PTK2: variants seen among roughly 807,000 people sequenced by gnomAD.
PTK2 encodes focal adhesion kinase 1.
In PTK2, 45 loss-of-function variants were observed where a neutral mutation model predicts 150.1. The observed-to-expected ratio is 0.30, with a 90% CI of 0.24 to 0.38. PTK2 has a LOEUF of 0.38. PTK2 is among the 10% of genes least tolerant of loss of function. The probability of loss-of-function intolerance (pLI) is 1.00; values close to 1 mark genes in which losing one functional copy is unlikely to be tolerated. For missense variants in PTK2, 919 were observed against 1,307.3 expected (o/e 0.70, Z 4.58); for synonymous variants, 432 against 449.2 (o/e 0.96, Z 0.48).
At chr8:140,975,287 T>A (rs2100188862) in intron 1 of PTK2, among the ~76,000 whole-genome samples, 2 of 152,154 alleles carry the variant, frequency 1.3e-5, no homozygotes, top group Admixed American at 6.5e-5. Context: ...CCTCCTACCA[T>A]CTAAATCTGT....
At chr8:140,889,719 A>G (rs73714776) in intron 3 of PTK2, among the ~76,000 whole-genome samples, 4,997 of 152,294 alleles carry the variant, frequency 0.033, 285 homozygotes, top group African/African-American at 0.11. Context: ...AATATAGACT[A>G]GGTGGAGAGG....
intron 29 of PTK2, chr8:140,669,301 G>GTATGTATATATATATATATATA (rs547959878): frequency 4.1e-5 from 4 of 97,984 alleles, no homozygotes; most frequent in South Asian, 3.4e-4. Flanking sequence ...GCATAAAATG[G>GTATGTATATATATATATATATA]TATATATATA....
chr8:140,894,042 T>C (rs1010682040), intron 2 of PTK2, among the ~76,000 whole-genome samples: 6 of 152,206 alleles, frequency 3.9e-5, no homozygotes, highest in African/African-American at 1.4e-4. Context: ...AATGTCTGTG[T>C]GCTCCCAAAA....
intron 22 of PTK2, among the ~76,000 whole-genome samples, chr8:140,726,448 C>T (rs2100045857): frequency 6.6e-6 from 1 of 152,168 alleles, no homozygotes; most frequent in African/African-American, 2.4e-5. Context: ...AAGAAAACCA[C>T]ACCCAAGCAC....
chr8:140,831,293 C>T (rs1397696609), intron 7 of PTK2, among the ~76,000 whole-genome samples: 1 of 152,150 alleles, frequency 6.6e-6, no homozygotes, highest in African/African-American at 2.4e-5. Context: ...CACTCGTGTG[C>T]TAGCAATGTG....
chr8:140,971,453 A>C (rs996288309), intron 1 of PTK2, among the ~76,000 whole-genome samples: 1 of 152,234 alleles, frequency 6.6e-6, no homozygotes, highest in African/African-American at 2.4e-5. Flanking sequence ...ACAGCAGTTA[A>C]ATGGACAGTG....
chr8:140,860,211 C>T (rs1259804815), intron 5 of PTK2, among the ~76,000 whole-genome samples: 2 of 152,184 alleles, frequency 1.3e-5, no homozygotes, highest in African/African-American at 4.8e-5. Context: ...AAGACATCTG[C>T]AACGCCTCTA....
At chr8:140,754,161 G>A (rs2100064328) in intron 16 of PTK2, among the ~76,000 whole-genome samples, 1 of 152,202 alleles carries the variant, frequency 6.6e-6, no homozygotes, top group Non-Finnish European at 1.5e-5. Flanking sequence ...ACCTCCAGAG[G>A]AGGCATGCCC....
chr8:140,736,251 C>T (rs1441766261), intron 21 of PTK2, among the ~76,000 whole-genome samples: 2 of 152,202 alleles, frequency 1.3e-5, no homozygotes, highest in Non-Finnish European at 2.9e-5. Flanking sequence ...GCCATTTATC[C>T]AAAGTGCATT....
At chr8:140,826,793 C>T (rs554221519) in intron 8 of PTK2, among the ~76,000 whole-genome samples, 1 of 152,186 alleles carries the variant, frequency 6.6e-6, no homozygotes, top group East Asian at 1.9e-4. Flanking sequence ...TGGTCCATGC[C>T]TGTAATCCCA....
intron 7 of PTK2, among the ~76,000 whole-genome samples, chr8:140,831,129 A>G (rs1486154595): frequency 6.6e-6 from 1 of 152,244 alleles, no homozygotes; most frequent in Non-Finnish European, 1.5e-5. Context: ...TGGAAATCGC[A>G]GCAATGTTCT....
intron 1 of PTK2, among the ~76,000 whole-genome samples, chr8:140,934,077 A>G (rs1208156008): frequency 6.6e-6 from 1 of 152,196 alleles, no homozygotes; most frequent in Non-Finnish European, 1.5e-5. Context: ...CCAAGAAAGA[A>G]AAAGAAACAC....
At chr8:140,738,496 G>C (rs976629644) in intron 21 of PTK2, among the ~76,000 whole-genome samples, 2 of 152,146 alleles carry the variant, frequency 1.3e-5, no homozygotes, top group African/African-American at 2.4e-5. Context: ...AGCAGGTGAG[G>C]AGGAACAAAT....
At chr8:140,697,255 G>C (rs953486483) in intron 26 of PTK2, among the ~76,000 whole-genome samples, 6 of 151,330 alleles carry the variant, frequency 4.0e-5, no homozygotes, top group Non-Finnish European at 7.4e-5. Flanking sequence ...CCAACAGACA[G>C]GTTTAGGACC....
intron 1 of PTK2, among the ~76,000 whole-genome samples, chr8:140,963,734 TCTG>T (rs957344081): frequency 1.3e-5 from 2 of 152,200 alleles, no homozygotes; most frequent in African/African-American, 4.8e-5. Context: ...TGTTCCCTAT[TCTG>T]CTGACATTTA....
intron 1 of PTK2, among the ~76,000 whole-genome samples, chr8:140,943,823 C>T (rs1398902916): frequency 2.0e-5 from 3 of 152,104 alleles, no homozygotes; most frequent in Non-Finnish European, 4.4e-5. Flanking sequence ...CATTTCCTAA[C>T]GACTACTAAT....
chr8:140,778,618 C>T (rs532416409), intron 14 of PTK2, among the ~76,000 whole-genome samples: 6 of 152,288 alleles, frequency 3.9e-5, no homozygotes, highest in East Asian at 1.9e-4. Flanking sequence ...ATTCGCTTTA[C>T]GGTTCAGTTG....
intron 16 of PTK2, among the ~76,000 whole-genome samples, chr8:140,756,816 C>T (rs959672778): frequency 6.6e-6 from 1 of 151,336 alleles, no homozygotes; most frequent in Non-Finnish European, 1.5e-5. Flanking sequence ...GTTGAAATCC[C>T]ATCTCTACTA....
rs1463229276 is a variant in PTK2 at position 140,840,988 on chromosome 8, G to A, written c.593+5272C>T. On this transcript the variant is annotated intron_variant, in intron 7 of 31. Transcript: ENST00000522684. The stretch of plus-strand genomic sequence containing the variant: ...ACAACAACAAATTATCAGGCATAGA[G>A]AAGATCACTACATAATGATGCAAAA... Among the ~76,000 whole-genome samples the A allele has an allele frequency of 2.0e-5, 3 of 152,140 alleles. No individual in the cohort carries two copies. The East Asian group carries it at 5.8e-4, about 29-fold the overall frequency.
Sources: gnomAD v4.1 joint callset for allele counts (sites outside exome capture counted in the v4.1 genomes callset) on GRCh38, gnomAD v4.1.1 for gene constraint, MANE v1.5 for transcripts, NCBI Gene and HGNC (gene_info 2026-07-23, HGNC 2026-07-21) for gene names.